UBTF: variants seen among roughly 807,000 people sequenced by gnomAD.
The protein encoded by UBTF is upstream binding transcription factor, also known as nucleolar transcription factor 1.
Under a neutral mutation model 112.3 loss-of-function variants are expected in UBTF, and 8 were observed. The ratio of observed to expected loss-of-function variants is 0.07; its 90% CI spans 0.04 to 0.13. The LOEUF is 0.13. UBTF is among the 10% of genes least tolerant of loss of function. The pLI is 1.00. For missense variants in UBTF, 457 were observed against 982.1 expected (o/e 0.47, Z 7.15); for synonymous variants, 417 against 373.1 (o/e 1.12, Z -1.36).
chr17:44,217,059 C>T (rs897550038), intron 2 of UBTF, among the ~76,000 whole-genome samples: 2 of 152,104 alleles, frequency 1.3e-5, no homozygotes, highest in Admixed American at 6.6e-5. Context: ...TTGTGGGAAA[C>T]GAGGTAGCTT....
upstream of UBTF, chr17:44,221,288 G>A (rs1242433828): frequency 6.6e-6 from 1 of 152,162 alleles, no homozygotes; most frequent in Non-Finnish European, 1.5e-5. Context: ...GCTCTGCAGC[G>A]CCCGACCCGG....
intron 1 of UBTF, 182 bp downstream of exon 1, chr17:44,219,263 G>A (rs994447241): frequency 1.3e-5 from 2 of 150,994 alleles, no homozygotes; most frequent in Non-Finnish European, 1.5e-5. Context: ...CTCGGCTCAG[G>A]CCTCGCTTCC....
chr17:44,208,930 G>A (rs2056460264), intron 17 of UBTF: 1 of 351,882 alleles, frequency 2.8e-6, no homozygotes, highest in South Asian at 2.0e-5. Context: ...CAAGCCTGTA[G>A]TCCCAGTGCT....
upstream of UBTF, chr17:44,220,929 G>A (rs1248389120): frequency 2.5e-5 from 1 of 40,328 alleles, no homozygotes; most frequent in Non-Finnish European, 5.6e-5. Flanking sequence ...CCGCCCGCCC[G>A]CCCGCCCGCC....
intron 1 of UBTF, 79 bp downstream of exon 1, chr17:44,219,366 T>C (rs1208459596): frequency 2.0e-5 from 3 of 150,678 alleles, no homozygotes; most frequent in Non-Finnish European, 3.0e-5. Flanking sequence ...GGGTCCCCGC[T>C]GGGCGCCCAC....
intron 17 of UBTF, 32 bp from the exon 18 acceptor site, chr17:44,207,943 C>T (rs1209779474): frequency 1.2e-6 from 2 of 1,613,636 alleles, no homozygotes. Flanking sequence ...AGGGTTGGAA[C>T]ATAGCCAACT....
Position 44,211,750 on chromosome 17 carries a change from A to T in UBTF, c.906-3T>A. ...CGCAGTACAGCGAGTAGCTGTTCCT[A>T]TCAGAGCCGCGGGGAGAGAGGTGCA... On this transcript the variant is annotated splice_polypyrimidine_tract_variant and splice_region_variant and intron_variant, in intron 9 of 20. Transcript: ENST00000436088. The surrounding 1 kb of genome is among the most constrained non-coding windows in gnomAD (Gnocchi z 4.9). 11 of 1,605,190 alleles carry T rather than the reference A, an allele frequency of 6.9e-6. No homozygotes were observed. Among genetic ancestry groups the T allele is most frequent in the Non-Finnish European group, 9.3e-6 (11 of 1,178,604 alleles).
At position 44,211,395 on chromosome 17, in the gene UBTF, C is replaced by T. The variant is rs1468134725; in HGVS notation, c.1048-64G>A. 9 of 1,605,720 alleles carry T rather than the reference C, an allele frequency of 5.6e-6. No homozygotes were observed. The highest frequency in any genetic ancestry group is 1.9e-4 in the Middle Eastern group (1 of 5,192). Reference sequence around the variant, plus strand: ...GTGTCACCACAGACCCTGCAGTACTCGGAGGACAGTGACCTTCAGCGGGCC... The same window carrying T: ...GTGTCACCACAGACCCTGCAGTACTTGGAGGACAGTGACCTTCAGCGGGCC... On this transcript the variant is annotated intron_variant, in intron 10 of 20. Coordinates refer to ENST00000436088, the MANE Select transcript of UBTF (RefSeq NM_014233.4). The surrounding 1 kb of genome is among the most constrained non-coding windows in gnomAD (Gnocchi z 4.9).
chr17:44,207,949 C>T (rs2056370375), intron 17 of UBTF, 38 bp from the exon 18 acceptor site: 1 of 1,613,458 alleles, frequency 6.2e-7, no homozygotes, highest in Non-Finnish European at 8.5e-7. Context: ...GGAACATAGC[C>T]AACTACTGCT....
chr17:44,213,017 G>A (rs984543060), intron 6 of UBTF, 78 bp from the exon 7 acceptor site: 1 of 1,576,558 alleles, frequency 6.3e-7, no homozygotes, highest in Non-Finnish European at 8.6e-7. Context: ...CACCCACCAA[G>A]CCTCCTGGGC....
At position 44,215,826 on chromosome 17, in the gene UBTF, G is replaced by A. The variant is rs757867637; in HGVS notation, c.319-17C>T. The A allele has an allele frequency of 7.4e-6, 12 of 1,613,898 alleles. No individual in the cohort carries two copies. The highest frequency in any genetic ancestry group is 1.3e-5 in the African/African-American group (1 of 74,870). ...TGGGTGTTTCTGGAAGAAGGGACAA[G>A]GACACAATGGAGGTCAAATACATCC... is the stretch of plus-strand genomic sequence containing the variant. On this transcript the variant is annotated splice_polypyrimidine_tract_variant and intron_variant, in intron 4 of 20. Coordinates refer to ENST00000436088, the MANE Select transcript of UBTF (RefSeq NM_014233.4).
chr17:44,207,792 G>A, intron 18 of UBTF, 22 bp from the exon 19 acceptor site: 1 of 1,614,156 alleles, frequency 6.2e-7, no homozygotes, highest in Non-Finnish European at 8.5e-7. Flanking sequence ...GGACACAAAG[G>A]TGGCAGCCAT....
rs202107945 is a variant in UBTF, at chr17:44,211,248, C to T, written c.1089+42G>A. The T allele has an allele frequency of 2.8e-4, 449 of 1,614,044 alleles. No homozygotes were observed. The highest frequency in any genetic ancestry group is 3.3e-4 in the Middle Eastern group (2 of 6,084). On this transcript the variant is annotated intron_variant, in intron 11 of 20. Transcript: ENST00000436088. The surrounding 1 kb of genome is among the most constrained non-coding windows in gnomAD (Gnocchi z 4.9). ...CTCACCAGGGCTCTGCCTGCCAAGT[C>T]CCAGTCTTCTCTGCCCACTGCCCCA...
chr17:44,218,131 G>C, intron 2 of UBTF, 41 bp downstream of exon 2: 1 of 1,601,654 alleles, frequency 6.2e-7, no homozygotes, highest in Non-Finnish European at 8.6e-7. Flanking sequence ...ACGAGGGAAA[G>C]AGGGTTTAAG....
chr17:44,210,675 C>T, intron 13 of UBTF, 117 bp downstream of exon 13: 2 of 1,448,450 alleles, frequency 1.4e-6, no homozygotes, highest in Non-Finnish European at 1.8e-6. Flanking sequence ...GCCCCACGTC[C>T]CAGCCCAGGC....
In UBTF at chr17:44,206,426, ACACACT is replaced by A. The variant is rs908603930; in HGVS notation, c.*810_*815del. On this transcript the variant is annotated 3_prime_UTR_variant, in exon 21 of 21. Coordinates refer to ENST00000436088, the MANE Select transcript of UBTF (RefSeq NM_014233.4). ...GACAGACCCCTTTACACACACACACACACACTCACACTCTTTTGCACACATCCACAG... is the reference window on the plus strand; with the variant it reads ...GACAGACCCCTTTACACACACACACACACACTCTTTTGCACACATCCACAG... 1 of 150,184 alleles carries A rather than the reference ACACACT, an allele frequency of 6.7e-6. No individual in the cohort carries two copies. Among genetic ancestry groups the A allele is most frequent in the South Asian group, 2.1e-4 (1 of 4,664 alleles). The allele number at this position is 150,184 out of a possible 1,614,324, so 9.3% of individuals were successfully genotyped here. A position where few individuals can be genotyped will look rare whatever the true frequency, so the allele number is the denominator to read the frequency against.
At chr17:44,217,679 C>T (rs2046914280) in intron 2 of UBTF, among the ~76,000 whole-genome samples, 1 of 152,228 alleles carries the variant, frequency 6.6e-6, no homozygotes, top group African/African-American at 2.4e-5. Context: ...TCTCTATCCC[C>T]ATCTAGACTG....
Position 44,207,436 on chromosome 17 carries a change from G to T in UBTF, c.2169+18C>A. The T allele has an allele frequency of 1.2e-6, 2 of 1,612,838 alleles. No individual in the cohort carries two copies. Among genetic ancestry groups the T allele is most frequent in the Non-Finnish European group, 1.7e-6 (2 of 1,179,334 alleles). On this transcript the variant is annotated intron_variant, in intron 20 of 20. Transcript: ENST00000436088. ...GGCAGGACTCCCCTCCCCTCCCACT[G>T]TGCCCTGTCTGCCCCACCTCATCCC...
intron 5 of UBTF, 76 bp from the exon 6 acceptor site, chr17:44,213,358 C>T (rs1158250541): frequency 1.4e-6 from 2 of 1,477,344 alleles, no homozygotes; most frequent in Non-Finnish European, 1.8e-6. Flanking sequence ...ACCCAGACCC[C>T]TCCTCGCTGG....
Sources: allele counts gnomAD v4.1 joint callset (sites outside exome capture counted in the v4.1 genomes callset), GRCh38; gene constraint gnomAD v4.1.1; non-coding constraint Gnocchi (gnomAD v3.1); transcripts MANE v1.5; gene names NCBI Gene and HGNC (gene_info 2026-07-23, HGNC 2026-07-21).